STPG2: variants seen among roughly 807,000 people sequenced by gnomAD.
STPG2 encodes sperm tail PG-rich repeat containing 2, also known as sperm-tail PG-rich repeat-containing protein 2.
Under a neutral mutation model 54.2 loss-of-function variants are expected in STPG2, and 56 were observed. That is an observed-to-expected ratio of 1.03 (90% confidence interval 0.83 to 1.29). The LOEUF is 1.29. STPG2 is among the 50% of genes most tolerant of loss of function. The probability of loss-of-function intolerance (pLI) is 0.00; values close to 1 mark genes in which losing one functional copy is unlikely to be tolerated. For missense variants in STPG2, 596 were observed against 544.9 expected, an observed-to-expected ratio of 1.09 and a Z score of -0.93; for synonymous variants, 200 against 181.8, an observed-to-expected ratio of 1.10 and a Z score of -0.81.
intron 5 of STPG2, among the ~76,000 whole-genome samples, chr4:98,020,825 T>C (rs1157686291): frequency 1.3e-5 from 2 of 152,212 alleles, no homozygotes; most frequent in Admixed American, 1.3e-4. Flanking sequence ...TGTAGTATTC[T>C]CTGATGGTAG....
At chr4:98,033,542 C>T (rs1471577106) in intron 5 of STPG2, among the ~76,000 whole-genome samples, 1 of 152,130 alleles carries the variant, frequency 6.6e-6, no homozygotes, top group Admixed American at 6.5e-5. Context: ...GAGCTGGTAC[C>T]ATTCCTTCTA....
At chr4:98,131,791 T>C (rs985041150) in intron 2 of STPG2, among the ~76,000 whole-genome samples, 1 of 152,162 alleles carries the variant, frequency 6.6e-6, no homozygotes, top group Non-Finnish European at 1.5e-5. Flanking sequence ...ACCTTCTCAC[T>C]ACCTTCCATA....
intron 10 of STPG2, among the ~76,000 whole-genome samples, chr4:97,697,777 T>C (rs545092913): frequency 6.6e-6 from 1 of 152,278 alleles, no homozygotes; most frequent in East Asian, 1.9e-4. Context: ...CCACCCAAGG[T>C]GGAAAACTGC....
chr4:97,945,819 G>C (rs1002093861), intron 7 of STPG2, among the ~76,000 whole-genome samples: 3 of 152,064 alleles, frequency 2.0e-5, no homozygotes, highest in African/African-American at 7.2e-5. Flanking sequence ...ACCACTTTGG[G>C]AGGCCAAATT....
chr4:98,070,058 G>A (rs1737953856), intron 5 of STPG2, among the ~76,000 whole-genome samples: 1 of 151,764 alleles, frequency 6.6e-6, no homozygotes, highest in Admixed American at 6.6e-5. Context: ...ATCCTGACAC[G>A]AAAACCTGGC....
At chr4:97,953,993 T>A (rs1414867959) in intron 7 of STPG2, among the ~76,000 whole-genome samples, 1 of 152,230 alleles carries the variant, frequency 6.6e-6, no homozygotes, top group East Asian at 1.9e-4. Flanking sequence ...ACAATAATTT[T>A]ATTACTGTCA....
intron 5 of STPG2, among the ~76,000 whole-genome samples, chr4:98,060,739 T>G (rs1301998928): frequency 6.6e-6 from 1 of 151,922 alleles, no homozygotes; most frequent in Non-Finnish European, 1.5e-5. Flanking sequence ...TGGAACAGAA[T>G]AGAGAGGCCA....
chr4:97,727,525 T>C (rs1047847976), intron 9 of STPG2, among the ~76,000 whole-genome samples: 1 of 151,950 alleles, frequency 6.6e-6, no homozygotes, highest in African/African-American at 2.4e-5. Context: ...AGGTTTTTTA[T>C]GCAGAATGCA....
At chr4:97,898,433 T>C (rs1430427876) in intron 8 of STPG2, among the ~76,000 whole-genome samples, 2 of 151,438 alleles carry the variant, frequency 1.3e-5, no homozygotes, top group Non-Finnish European at 3.0e-5. Flanking sequence ...TTCATTTTAA[T>C]ACTTGAACTT....
At chr4:97,584,546 A>G (rs567559626) in intron 10 of STPG2, among the ~76,000 whole-genome samples, 6 of 152,190 alleles carry the variant, frequency 3.9e-5, no homozygotes, top group African/African-American at 1.2e-4. Context: ...GCAGAACTAA[A>G]TGAAATTGAA....
intron 8 of STPG2, among the ~76,000 whole-genome samples, chr4:97,869,223 A>T (rs1160146258): frequency 6.6e-6 from 1 of 151,824 alleles, no homozygotes; most frequent in Non-Finnish European, 1.5e-5. Flanking sequence ...GTAAATTAGA[A>T]TAGAATAATC....
intron 4 of STPG2, among the ~76,000 whole-genome samples, chr4:97,525,946 A>T (rs1047543027): frequency 1.3e-5 from 2 of 152,010 alleles, no homozygotes; most frequent in Admixed American, 1.3e-4. Context: ...TTCAAAAGGC[A>T]ATTTAAGAAA....
At chr4:97,736,556 T>C (rs1223025203) in intron 9 of STPG2, among the ~76,000 whole-genome samples, 21 of 152,166 alleles carry the variant, frequency 1.4e-4, no homozygotes, top group Admixed American at 1.4e-3. Context: ...CAGGAGATTA[T>C]ATCCCGCACC....
intron 9 of STPG2, among the ~76,000 whole-genome samples, chr4:97,715,459 C>A (rs575542292): frequency 6.6e-6 from 1 of 152,016 alleles, no homozygotes; most frequent in Admixed American, 6.5e-5. Context: ...TCAACCAATG[C>A]TACAGGGCAA....
chr4:97,778,980 A>G (rs1004379960), intron 9 of STPG2, among the ~76,000 whole-genome samples: 3 of 152,240 alleles, frequency 2.0e-5, no homozygotes, highest in Middle Eastern at 3.4e-3. Context: ...AAAGATGGGG[A>G]AAAAAACAGA....
At chr4:97,930,165 G>C (rs1732488348) in intron 8 of STPG2, among the ~76,000 whole-genome samples, 1 of 152,132 alleles carries the variant, frequency 6.6e-6, no homozygotes, top group South Asian at 2.1e-4. Context: ...CTAAAGTGCT[G>C]GGATTACAGG....
chr4:98,039,325 G>A (rs769028195), intron 5 of STPG2, among the ~76,000 whole-genome samples: 9 of 102,542 alleles, frequency 8.8e-5, no homozygotes, highest in South Asian at 6.7e-4. Flanking sequence ...TAAATCCCCC[G>A]TGGGAGAAAA....
chr4:97,589,733 C>T lies in STPG2; in HGVS notation c.1321-30616G>A, dbSNP rs182106525. On this transcript the variant is annotated intron_variant, in intron 10 of 10. Coordinates refer to ENST00000295268, the MANE Select transcript of STPG2 (RefSeq NM_174952.3). ...GACGGTTCGCAAATGTGACTGTGATCCTTCAAGCTTCATTTATATTAAGTG... is the reference window on the plus strand; with the variant it reads ...GACGGTTCGCAAATGTGACTGTGATTCTTCAAGCTTCATTTATATTAAGTG... 8.1e-4 allele frequency among the ~76,000 whole-genome samples: 123 copies of T among 152,244 alleles called. 1 individual carries two copies. Among genetic ancestry groups the T allele is most frequent in the African/African-American group, 2.8e-3 (118 of 41,560 alleles).
chr4:97,464,679 T>C (rs1729746941), intron 4 of STPG2, among the ~76,000 whole-genome samples: 1 of 152,182 alleles, frequency 6.6e-6, no homozygotes, highest in Non-Finnish European at 1.5e-5. Context: ...ATGTTCCTCA[T>C]ATTTTTACAT....
Sources: allele counts gnomAD v4.1 joint callset (sites outside exome capture counted in the v4.1 genomes callset), GRCh38; gene constraint gnomAD v4.1.1; transcripts MANE v1.5; gene names NCBI Gene and HGNC (gene_info 2026-07-23, HGNC 2026-07-21).